EPHA6: variants seen among roughly 807,000 people sequenced by gnomAD.
EPHA6 encodes EPH receptor A6, also known as ephrin type-A receptor 6.
Under a neutral mutation model 112.0 loss-of-function variants are expected in EPHA6, and 50 were observed. The observed-to-expected ratio is 0.45, with a 90% CI of 0.36 to 0.56. The LOEUF (loss-of-function observed/expected upper bound fraction) is 0.56, where lower values mean the gene tolerates loss of function less well. EPHA6 is among the 20% of genes least tolerant of loss of function. EPHA6 has a pLI of 0.00. For synonymous variants in EPHA6, 529 were observed against 490.7 expected (o/e 1.08, Z -1.03); for missense variants, 1,280 against 1,417.4 (o/e 0.90, Z 1.56).
At chr3:97,633,068 A>T (rs1332591409) in intron 13 of EPHA6, among the ~76,000 whole-genome samples, 1 of 152,076 alleles carries the variant, frequency 6.6e-6, no homozygotes, top group African/African-American at 2.4e-5. Flanking sequence ...ACCATCGTGA[A>T]GTGATTGGGT....
At chr3:97,023,513 AT>A (rs1203247606) in intron 3 of EPHA6, among the ~76,000 whole-genome samples, 2 of 151,826 alleles carry the variant, frequency 1.3e-5, no homozygotes, top group Admixed American at 6.6e-5. Flanking sequence ...ACCTTCTAAG[AT>A]TTTTTTCATG....
intron 14 of EPHA6, among the ~76,000 whole-genome samples, chr3:97,641,453 A>T (rs905733990): frequency 3.3e-5 from 5 of 152,244 alleles, no homozygotes; most frequent in Non-Finnish European, 5.9e-5. Flanking sequence ...ATGGCTGAAT[A>T]GGAATAGCTC....
chr3:97,001,558 T>G (rs1341006231), intron 3 of EPHA6, among the ~76,000 whole-genome samples: 3 of 152,038 alleles, frequency 2.0e-5, no homozygotes. Flanking sequence ...CTTTTATAAA[T>G]AGTTCTCCAT....
intron 3 of EPHA6, among the ~76,000 whole-genome samples, chr3:97,165,364 A>G (rs771361866): frequency 6.6e-6 from 1 of 152,180 alleles, no homozygotes; most frequent in African/African-American, 2.4e-5. Flanking sequence ...TTTTTCATAA[A>G]TTATTATAAA....
chr3:97,101,187 AAATG>A (rs2108260524), intron 3 of EPHA6, among the ~76,000 whole-genome samples: 1 of 152,182 alleles, frequency 6.6e-6, no homozygotes, highest in East Asian at 1.9e-4. Flanking sequence ...GGAATAGGGA[AAATG>A]AATCCAATAC....
chr3:96,850,093 A>C (rs77951901), intron 1 of EPHA6, among the ~76,000 whole-genome samples: 2,191 of 152,198 alleles, frequency 0.014, 58 homozygotes, highest in African/African-American at 0.05. Context: ...CTATCTTTCC[A>C]GCATTAGAGA....
chr3:96,998,094 T>C (rs1486977717), intron 3 of EPHA6, among the ~76,000 whole-genome samples: 3 of 148,168 alleles, frequency 2.0e-5, no homozygotes, highest in African/African-American at 7.9e-5. Context: ...TGAAGTCATA[T>C]TCCTGTAGGG....
chr3:97,308,805 C>G (rs1055370775), intron 5 of EPHA6, among the ~76,000 whole-genome samples: 2 of 151,678 alleles, frequency 1.3e-5, no homozygotes, highest in African/African-American at 4.8e-5. Context: ...ACATTCTACC[C>G]GAGTATGGCA....
At position 97,445,700 on chromosome 3, in the gene EPHA6, G is replaced by A. The variant is rs116465461; in HGVS notation, c.1732-2868G>A. ...GTAAGAACAGATATCAAATGTAATAGATTAAAAAAAAATAGAGGGGAAAAA... is the reference window on the plus strand; with the variant it reads ...GTAAGAACAGATATCAAATGTAATAAATTAAAAAAAAATAGAGGGGAAAAA... On this transcript the variant is annotated intron_variant, in intron 6 of 17. Coordinates refer to ENST00000389672, the MANE Select transcript of EPHA6 (RefSeq NM_001080448.3). Among the ~76,000 whole-genome samples, 1,249 of 150,378 alleles carry A rather than the reference G, an allele frequency of 8.3e-3. 14 individuals carry two copies. The highest frequency in any genetic ancestry group is 0.027 in the African/African-American group (1,115 of 41,020).
At chr3:96,841,351 G>A (rs545859076) in intron 1 of EPHA6, among the ~76,000 whole-genome samples, 1 of 152,218 alleles carries the variant, frequency 6.6e-6, no homozygotes, top group East Asian at 1.9e-4. Context: ...TTTCCCGCTT[G>A]ACTTCTCCCT....
At chr3:97,445,474 A>G (rs2090308899) in intron 6 of EPHA6, among the ~76,000 whole-genome samples, 1 of 152,214 alleles carries the variant, frequency 6.6e-6, no homozygotes, top group African/African-American at 2.4e-5. Context: ...ATACTTTTAG[A>G]TATTAATAAG....
chr3:96,936,424 A>C (rs2040584547), intron 2 of EPHA6, among the ~76,000 whole-genome samples: 1 of 152,168 alleles, frequency 6.6e-6, no homozygotes, highest in African/African-American at 2.4e-5. Flanking sequence ...TGAATCCATT[A>C]TAATGATAGA....
intron 3 of EPHA6, among the ~76,000 whole-genome samples, chr3:97,036,280 C>T (rs1209841596): frequency 6.6e-6 from 1 of 151,918 alleles, no homozygotes; most frequent in Admixed American, 6.6e-5. Flanking sequence ...TATTTTTGGT[C>T]AATTCCTATT....
chr3:97,663,780 T>C (rs2094186545), intron 14 of EPHA6, among the ~76,000 whole-genome samples: 1 of 152,178 alleles, frequency 6.6e-6, no homozygotes, highest in African/African-American at 2.4e-5. Context: ...TTGTGAATAG[T>C]GTCACAATAA....
Position 97,591,337 on chromosome 3 carries a change from T to C in EPHA6, c.2387-1275T>C. ...ATAGTGTGCCCAGTTCCTTTAATTC[T>C]GACCCAAGTTCAAAGAAGCCTCAAA... On this transcript the variant is annotated intron_variant, in intron 11 of 17. Coordinates refer to ENST00000389672, the MANE Select transcript of EPHA6 (RefSeq NM_001080448.3). Among the ~76,000 whole-genome samples, 2 of 152,234 alleles carry C rather than the reference T, an allele frequency of 1.3e-5. 1 individual carries two copies. Among genetic ancestry groups the C allele is most frequent in the East Asian group, 3.8e-4 (2 of 5,202 alleles).
At chr3:96,930,661 A>G (rs1482831762) in intron 2 of EPHA6, among the ~76,000 whole-genome samples, 1 of 152,090 alleles carries the variant, frequency 6.6e-6, no homozygotes, top group African/African-American at 2.4e-5. Context: ...GGGAGGCCTC[A>G]CCCAGTCAAG....
intron 14 of EPHA6, among the ~76,000 whole-genome samples, chr3:97,713,767 C>A (rs894852769): frequency 6.6e-6 from 1 of 152,170 alleles, no homozygotes; most frequent in Non-Finnish European, 1.5e-5. Context: ...ACAGGAAAAG[C>A]AAGCAATCCA....
intron 3 of EPHA6, among the ~76,000 whole-genome samples, chr3:97,190,152 T>A (rs1300633732): frequency 6.6e-6 from 1 of 152,110 alleles, no homozygotes; most frequent in East Asian, 1.9e-4. Context: ...CATACTACAC[T>A]TTGAAAGGAA....
Position 96,814,786 on chromosome 3 carries a change from G to T in EPHA6, c.163G>T (p.Glu55Ter). 6.2e-7 allele frequency: 1 copy of T among 1,602,396 alleles called. No homozygotes were observed. The highest frequency in any genetic ancestry group is 2.3e-5 in the East Asian group (1 of 44,306). ...CGGGACACCCCCTGCGGGCCGGGTG[G>T]AGGAGGAAGAGGAGGAGGAGGAAGA... The part of the protein sequence containing the change: ...RPGTPPAGRV[E>*]EEEEEEEEDV... The change falls in exon 1 of 18, where the codon GAG (glutamate) becomes TAG (stop). Residue 55 changes from glutamate to a stop codon, truncating the protein, a stop_gained. Coordinates refer to ENST00000389672, the MANE Select transcript of EPHA6 (RefSeq NM_001080448.3). LOFTEE classifies it high-confidence loss of function.
Sources: gnomAD v4.1 joint callset for allele counts (sites outside exome capture counted in the v4.1 genomes callset) on GRCh38, gnomAD v4.1.1 for gene constraint, MANE v1.5 for transcripts, NCBI Gene and HGNC (gene_info 2026-07-23, HGNC 2026-07-21) for gene names.